Variants in ZNF513 observed in about 807,000 individuals in gnomAD.
ZNF513 encodes the protein zinc finger protein 513.
ZNF513 carries 16 observed loss-of-function variants against 39.7 expected under a neutral mutation model. The ratio of observed to expected loss-of-function variants is 0.40; its 90% CI spans 0.27 to 0.61. ZNF513 has a LOEUF of 0.61. Among genes scored for constraint, ZNF513 ranks in the 20% least tolerant of loss-of-function variants. The pLI is 0.39. For missense variants in ZNF513, 699 were observed against 743.6 expected (o/e 0.94, Z 0.70); for synonymous variants, 348 against 296.5 (o/e 1.17, Z -1.79).
In ZNF513 at chr2:27,378,491, C is replaced by T. The variant is rs754114481; in HGVS notation, c.775G>A (p.Gly259Arg). ...ARPPSPTEQE[G>R]AVPRRPEDAL... ...CCTTCAGGTCGCCGGGGCACCGCCC[C>T]CTCCTGCTCTGTGGGACTGGGAGGC... is the stretch of plus-strand genomic sequence containing the variant. Residue 259 changes from glycine (G) to arginine (R), a missense_variant, in exon 3 of 4, where the codon GGG (glycine) becomes AGG (arginine). Transcript: ENST00000323703. This position sits in a 1 kb window ranked among gnomAD's most constrained non-coding sequence, Gnocchi z 8.0. 3.7e-6 allele frequency: 6 copies of T among 1,614,044 alleles called. No individual in the cohort carries two copies. The African/African-American group carries it at 5.3e-5, about 14-fold the overall frequency.
At chr2:27,380,440 C>G (rs1400330422) in intron 1 of ZNF513, 32 bp downstream of exon 1, 2 of 1,584,600 alleles carry the variant, frequency 1.3e-6, no homozygotes, top group African/African-American at 2.7e-5. Flanking sequence ...CCCACCCCCG[C>G]TCCTCTCCCC....
chr2:27,379,184 C>T, intron 2 of ZNF513, 130 bp from the exon 3 acceptor site: 3 of 860,174 alleles, frequency 3.5e-6, no homozygotes, highest in Non-Finnish European at 5.6e-6. Context: ...TTAGTTCCCT[C>T]CTAGGAATCA....
At chr2:27,379,951 C>G in intron 2 of ZNF513, 142 bp downstream of exon 2, 1 of 1,146,198 alleles carries the variant, frequency 8.7e-7, no homozygotes, top group Non-Finnish European at 1.3e-6. Flanking sequence ...GACCATTAAA[C>G]AAATGAAGTC....
chr2:27,379,090 G>A (rs1205646008), intron 2 of ZNF513, 36 bp from the exon 3 acceptor site: 33 of 1,599,838 alleles, frequency 2.1e-5, no homozygotes, highest in Non-Finnish European at 2.8e-5. Flanking sequence ...CATCAGCATA[G>A]GGTAGGATCA....
chr2:27,377,510 C>A lies in ZNF513; in HGVS notation c.*35G>T, dbSNP rs760150083. ...GGGGGAGAAAAAGGTGGCTTCTGGTCCGTCTGTATAAAACATGGGGAAGAA... is the reference window on the plus strand; with the variant it reads ...GGGGGAGAAAAAGGTGGCTTCTGGTACGTCTGTATAAAACATGGGGAAGAA... On this transcript the variant is annotated 3_prime_UTR_variant, in exon 4 of 4. Coordinates refer to ENST00000323703, the MANE Select transcript of ZNF513 (RefSeq NM_144631.6). This position sits in a 1 kb window ranked among gnomAD's most constrained non-coding sequence, Gnocchi z 4.4. 6.2e-7 allele frequency: 1 copy of A among 1,610,598 alleles called. No homozygotes were observed. Among genetic ancestry groups the A allele is most frequent in the South Asian group, 1.1e-5 (1 of 91,000 alleles).
chr2:27,378,105 T>C lies in ZNF513; in HGVS notation c.1066A>G (p.Ser356Gly), dbSNP rs375867261. Residue 356 changes from serine to glycine, a missense_variant, in exon 4 of 4, where the codon AGT becomes GGT. Transcript: ENST00000323703. This position sits in a 1 kb window ranked among gnomAD's most constrained non-coding sequence, Gnocchi z 8.0. ...AGGCTACAGGCAAAGCCTTTGTCAC[T>C]GGGGCCCTGGGGCCCCCCACTGGCA... ...GGASGGPQGP[S>G]DKGFACSLCP... 53 of 1,613,544 alleles carry C rather than the reference T, an allele frequency of 3.3e-5. No homozygotes were observed. Among genetic ancestry groups the C allele is most frequent in the South Asian group, 1.9e-4 (17 of 91,042 alleles).
In ZNF513 at chr2:27,377,923, G is replaced by A; in HGVS notation, c.1248C>T (p.Tyr416=). The change falls in exon 4 of 4, where the codon TAC becomes TAT. Residue 416 remains tyrosine, a synonymous_variant. Transcript: ENST00000323703. This position sits in a 1 kb window ranked among gnomAD's most constrained non-coding sequence, Gnocchi z 4.4. ...HQRVHTGEKP[Y]KCPLCPYACG... The stretch of plus-strand genomic sequence containing the variant: ...AGGCATAAGGGCAGAGGGGGCACTT[G>A]TAGGGCTTCTCTCCTGTATGGACGC... The A allele has an allele frequency of 1.9e-6, 3 of 1,614,094 alleles. No homozygotes were observed. The highest frequency in any genetic ancestry group is 2.2e-5 in the South Asian group (2 of 91,084).
Position 27,377,449 on chromosome 2 carries a change from G to C in ZNF513, c.*96C>G, listed in dbSNP as rs749039789. The C allele has an allele frequency of 1.9e-5, 26 of 1,387,528 alleles. No individual in the cohort carries two copies. In the African/African-American group the frequency reaches 3.5e-4, roughly 19 times the overall value. The allele number at this position is 1,387,528 out of a possible 1,614,324, so 86.0% of individuals were successfully genotyped here. ...CCATGGGGTTGGGCTGGTCCTTATAGTGCCTACGTTAGTCTGTGTGGAGCC... is the reference window on the plus strand; with the variant it reads ...CCATGGGGTTGGGCTGGTCCTTATACTGCCTACGTTAGTCTGTGTGGAGCC... On this transcript the variant is annotated 3_prime_UTR_variant, in exon 4 of 4. Coordinates refer to ENST00000323703, the MANE Select transcript of ZNF513 (RefSeq NM_144631.6). This position sits in a 1 kb window ranked among gnomAD's most constrained non-coding sequence, Gnocchi z 4.4.
At chr2:27,380,317 T>C in intron 1 of ZNF513, 69 bp from the exon 2 acceptor site, 2 of 1,612,654 alleles carry the variant, frequency 1.2e-6, no homozygotes, top group Non-Finnish European at 1.7e-6. Context: ...CTTCCCGTAC[T>C]CGCTGACCCA....
intron 1 of ZNF513, 87 bp downstream of exon 1, chr2:27,380,385 C>T: frequency 1.3e-6 from 2 of 1,581,622 alleles, no homozygotes; most frequent in African/African-American, 1.4e-5. Flanking sequence ...CCACTTCATC[C>T]CTCAGGAGTC....
Position 27,377,488 on chromosome 2 carries a change from G to A in ZNF513, c.*57C>T, listed in dbSNP as rs1683373897. On this transcript the variant is annotated 3_prime_UTR_variant, in exon 4 of 4. Transcript: ENST00000323703. The surrounding 1 kb of genome is among the most constrained non-coding windows in gnomAD (Gnocchi z 4.4). ...CTGTGTGGAGCCCCTGGCCAGCGGG[G>A]GAGAAAAAGGTGGCTTCTGGTCCGT... The A allele has an allele frequency of 1.3e-6, 2 of 1,582,696 alleles. No homozygotes were observed. The highest frequency in any genetic ancestry group is 2.2e-5 in the East Asian group (1 of 44,746).
Position 27,378,737 on chromosome 2 carries a change from G to A in ZNF513, c.529C>T (p.Pro177Ser), listed in dbSNP as rs1683474761. Residue 177 changes from proline (P) to serine (S), a missense_variant, in exon 3 of 4, where the codon CCG becomes TCG. This residue lies in a region of ZNF513 where 530 missense variants were observed against 499.3 expected (regional missense o/e 1.06). Transcript: ENST00000323703. This position sits in a 1 kb window ranked among gnomAD's most constrained non-coding sequence, Gnocchi z 8.0. ...TAGGGGCAGCGGCCACAGCGGAACG[G>A]CTTCTCTCCGCTGTGTGTCTGCATG... ...RHMQTHSGEK[P>S]FRCGRCPYAS... The A allele has an allele frequency of 6.2e-7, 1 of 1,613,910 alleles. No individual in the cohort carries two copies. Among genetic ancestry groups the A allele is most frequent in the African/African-American group, 1.3e-5 (1 of 74,928 alleles).
Position 27,377,625 on chromosome 2 carries a change from G to A in ZNF513, c.1546C>T (p.Pro516Ser), listed in dbSNP as rs1171191877. ...CCCCGAGAGCTCAAAACAGAGGGTG[G>A]GCTATGAGGTGGGGCCCAGCCCTCA... ...ASEGWAPPHSPPSVLSSRGPP... is the reference protein window; with the variant it reads ...ASEGWAPPHSSPSVLSSRGPP... Residue 516 changes from proline to serine, a missense_variant, in exon 4 of 4, where the codon CCA becomes TCA. Physicochemically the swap from Pro to Ser is moderately conservative, Grantham distance 74 (BLOSUM62 -1). Coordinates refer to ENST00000323703, the MANE Select transcript of ZNF513 (RefSeq NM_144631.6). The surrounding 1 kb of genome is among the most constrained non-coding windows in gnomAD (Gnocchi z 4.4). 1 of 1,614,116 alleles carries A rather than the reference G, an allele frequency of 6.2e-7. No homozygotes were observed. Among genetic ancestry groups the A allele is most frequent in the Admixed American group, 1.7e-5 (1 of 60,026 alleles).
In ZNF513 at chr2:27,377,399, C is replaced by G; in HGVS notation, c.*146G>C. ...GAAGTGCCTCAGTCAAGGCAAGGTC[C>G]CCTGGTCCATATGGGCCCCCCCGCC... On this transcript the variant is annotated 3_prime_UTR_variant, in exon 4 of 4. Transcript: ENST00000323703. The surrounding 1 kb of genome is among the most constrained non-coding windows in gnomAD (Gnocchi z 4.4). 2 of 867,772 alleles carry G rather than the reference C, an allele frequency of 2.3e-6. No individual in the cohort carries two copies. The highest frequency in any genetic ancestry group is 3.7e-6 in the Non-Finnish European group (2 of 535,386). 53.8% of individuals were successfully genotyped at this position (867,772 alleles called of 1,614,324 possible).
chr2:27,379,143 C>G, intron 2 of ZNF513, 89 bp from the exon 3 acceptor site: 4 of 1,294,500 alleles, frequency 3.1e-6, no homozygotes, highest in Non-Finnish European at 4.4e-6. Context: ...TCCCCACTTG[C>G]TTGGCTCCAC....
At position 27,378,889 on chromosome 2, in the gene ZNF513, G is replaced by C. The variant is rs776689084; in HGVS notation, c.377C>G (p.Pro126Arg). ...PGPACQLCGGPTGEGPCCGAG... is the reference protein window; with the variant it reads ...PGPACQLCGGRTGEGPCCGAG... ...CCCACAACACGGCCCCTCACCTGTC[G>C]GCCCCCCACACAGCTGGCAGGCTGG... Residue 126 changes from proline (P) to arginine (R), a missense_variant, in exon 3 of 4, where the codon CCG becomes CGG. Around this residue, in one of 3 missense-constraint regions of ZNF513, gnomAD observed 530 missense variants for 499.3 expected, o/e 1.06. Coordinates refer to ENST00000323703, the MANE Select transcript of ZNF513 (RefSeq NM_144631.6). This position sits in a 1 kb window ranked among gnomAD's most constrained non-coding sequence, Gnocchi z 8.0. 1.3e-5 allele frequency: 21 copies of C among 1,602,424 alleles called. No homozygotes were observed. The Admixed American group carries it at 3.6e-4, about 28-fold the overall frequency.
rs567166474 is a variant in ZNF513 at position 27,380,145 on chromosome 2, C to CTCCTCT, written c.153_158dup (p.Glu53_Glu54dup). 8.5e-5 allele frequency: 137 copies of CTCCTCT among 1,614,098 alleles called. 1 individual carries two copies. In the East Asian group the frequency reaches 1.6e-3, roughly 19 times the overall value. ...GCTGGTCACTGTTGCCGTCGCCTTCCTCCTCTTCCTCTTCCTCCTCAAACT... is the reference window on the plus strand; with the variant it reads ...GCTGGTCACTGTTGCCGTCGCCTTCCTCCTCTTCCTCTTCCTCTTCCTCCTCAAACT... On this transcript the variant is annotated inframe_insertion, in exon 2 of 4. Transcript: ENST00000323703.
In ZNF513 at chr2:27,378,520, G is replaced by T; in HGVS notation, c.746C>A (p.Ala249Asp). Residue 249 changes from alanine to aspartate, a missense_variant, in exon 3 of 4, where the codon GCC becomes GAC. By Grantham distance (126) the Ala-to-Asp change is moderately radical (BLOSUM62 -2). This residue lies in a region of ZNF513 where 530 missense variants were observed against 499.3 expected (regional missense o/e 1.06). Coordinates refer to ENST00000323703, the MANE Select transcript of ZNF513 (RefSeq NM_144631.6). This position sits in a 1 kb window ranked among gnomAD's most constrained non-coding sequence, Gnocchi z 8.0. The part of the protein sequence containing the change: ...CGFRCCTPRP[A>D]RPPSPTEQEG... ...CTGCTCTGTGGGACTGGGAGGCCGGGCTGGTCGTGGAGTACAGCAGCGGAA... is the reference window on the plus strand; with the variant it reads ...CTGCTCTGTGGGACTGGGAGGCCGGTCTGGTCGTGGAGTACAGCAGCGGAA... 1 of 1,614,126 alleles carries T rather than the reference G, an allele frequency of 6.2e-7. No homozygotes were observed. Among genetic ancestry groups the T allele is most frequent in the Non-Finnish European group, 8.5e-7 (1 of 1,180,036 alleles).
rs771626673 is a variant in ZNF513 at position 27,378,420 on chromosome 2, G to A, written c.799+47C>T. 2.5e-6 allele frequency: 4 copies of A among 1,612,620 alleles called. No individual in the cohort carries two copies. The highest frequency in any genetic ancestry group is 3.4e-6 in the Non-Finnish European group (4 of 1,179,942). On this transcript the variant is annotated intron_variant, in intron 3 of 3. Coordinates refer to ENST00000323703, the MANE Select transcript of ZNF513 (RefSeq NM_144631.6). The surrounding 1 kb of genome is among the most constrained non-coding windows in gnomAD (Gnocchi z 8.0). ...ATGAATCCAATCCAAGCATTCCTAG[G>A]GTCAGCCACCCATGTCCCAAGATCT...
Sources: gnomAD v4.1 joint callset for allele counts on GRCh38, gnomAD v4.1.1 for gene constraint, gnomAD v4.1.1 regional missense constraint, Gnocchi (gnomAD v3.1) non-coding constraint, MANE v1.5 for transcripts, NCBI Gene and HGNC (gene_info 2026-07-23, HGNC 2026-07-21) for gene names.